The following KMO variants were observed in gnomAD, a reference collection of about 807,000 sequenced individuals.
KMO encodes the protein kynurenine 3-monooxygenase, also known as kynurenine 3-hydroxylase.
Under a neutral mutation model 57.8 loss-of-function variants are expected in KMO, and 24 were observed. The ratio of observed to expected loss-of-function variants is 0.42; its 90% confidence interval spans 0.30 to 0.58. The LOEUF (loss-of-function observed/expected upper bound fraction) is 0.58. Ranked by LOEUF, KMO falls within the 20% of genes least tolerant of loss-of-function variation. KMO has a pLI of 0.22. For synonymous variants in KMO, 210 were observed against 193.6 expected (o/e 1.08, Z -0.70); for missense variants, 483 against 588.2 (o/e 0.82, Z 1.85).
intron 10 of KMO, among the ~76,000 whole-genome samples, chr1:241,569,007 C>T (rs1182934506): frequency 6.6e-6 from 1 of 152,038 alleles, no homozygotes; most frequent in Non-Finnish European, 1.5e-5. Context: ...TCCATTTTTA[C>T]ATCTAATTTT....
chr1:241,545,603 TCTTAA>T (rs1344545591), intron 1 of KMO, among the ~76,000 whole-genome samples: 1 of 152,180 alleles, frequency 6.6e-6, no homozygotes, highest in Non-Finnish European at 1.5e-5. Flanking sequence ...AATGATATCA[TCTTAA>T]CTTGATTACC....
chr1:241,589,534 T>C (rs1663161252), intron 12 of KMO, among the ~76,000 whole-genome samples: 1 of 152,208 alleles, frequency 6.6e-6, no homozygotes, highest in South Asian at 2.1e-4. Flanking sequence ...CAAGATATTG[T>C]AGGCTTTATT....
At position 241,560,712 on chromosome 1, in the gene KMO, T is replaced by C; in HGVS notation, c.409T>C (p.Leu137=). The C allele has an allele frequency of 6.2e-7, 1 of 1,613,802 alleles. No homozygotes were observed. Among genetic ancestry groups the C allele is most frequent in the Admixed American group, 1.7e-5 (1 of 60,004 alleles). Residue 137 remains leucine (L), a synonymous_variant, in exon 6 of 15, where the codon TTG becomes CTG. Coordinates refer to ENST00000366559, the MANE Select transcript of KMO (RefSeq NM_003679.5). ...NVKMHFNHRL[L]KCNPEEGMIT... ...GAAAATGCACTTTAACCACAGGCTG[T>C]TGAAATGTAATCCAGAGGAAGGAAT...
chr1:241,586,536 G>T, intron 10 of KMO, 143 bp from the exon 11 acceptor site: 1 of 678,936 alleles, frequency 1.5e-6, no homozygotes, highest in Non-Finnish European at 2.6e-6. Flanking sequence ...AATACCATGT[G>T]ACAACTCAAC....
chr1:241,548,819 T>C lies in KMO; in HGVS notation c.55-10T>C. The stretch of plus-strand genomic sequence containing the variant: ...ATCAGATAAATATTTAATTTTTTTT[T>C]AATTTCTAGGTTGGCTCATTACAAG... On this transcript the variant is annotated splice_polypyrimidine_tract_variant and intron_variant, in intron 1 of 14. Transcript: ENST00000366559. 6.5e-7 allele frequency: 1 copy of C among 1,537,252 alleles called. No individual in the cohort carries two copies. The highest frequency in any genetic ancestry group is 1.1e-5 in the South Asian group (1 of 88,628).
chr1:241,554,365 A>G (rs1359807452), intron 4 of KMO, among the ~76,000 whole-genome samples: 1 of 151,132 alleles, frequency 6.6e-6, no homozygotes, highest in African/African-American at 2.4e-5. Flanking sequence ...GCTCACTGCA[A>G]CTTAGGCCTC....
chr1:241,568,710 C>G, intron 10 of KMO, 63 bp downstream of exon 10: 2 of 1,497,714 alleles, frequency 1.3e-6, no homozygotes, highest in South Asian at 1.2e-5. Flanking sequence ...GCTAACAAGT[C>G]TTACGTAAAA....
chr1:241,533,485 T>C (rs1183704232), intron 1 of KMO, among the ~76,000 whole-genome samples: 3 of 152,200 alleles, frequency 2.0e-5, no homozygotes, highest in Non-Finnish European at 4.4e-5. Context: ...ACAGTTCTTT[T>C]AATATTTCTG....
chr1:241,549,201 GGAA>G (rs1558414715), intron 2 of KMO, among the ~76,000 whole-genome samples: 1 of 93,286 alleles, frequency 1.1e-5, no homozygotes, highest in African/African-American at 4.5e-5. Flanking sequence ...AGAAAGAAAA[GGAA>G]GAAAGAAAGA....
At chr1:241,532,947 G>A (rs77096071) in intron 1 of KMO, among the ~76,000 whole-genome samples, 400 of 152,312 alleles carry the variant, frequency 2.6e-3, no homozygotes, top group Non-Finnish European at 4.2e-3. Context: ...TGAAGCTAAC[G>A]TCAAAGTATC....
chr1:241,582,333 A>T (rs1346636823), intron 10 of KMO, among the ~76,000 whole-genome samples: 1 of 152,100 alleles, frequency 6.6e-6, no homozygotes, highest in African/African-American at 2.4e-5. Flanking sequence ...AGTTTTCATT[A>T]TTATTTCTTT....
chr1:241,573,587 G>A (rs901515664), intron 10 of KMO, among the ~76,000 whole-genome samples: 2 of 152,002 alleles, frequency 1.3e-5, no homozygotes, highest in South Asian at 2.1e-4. Flanking sequence ...TTGGTTGTAC[G>A]TACTTGGCTT....
At chr1:241,587,109 C>T (rs1042957367) in intron 11 of KMO, among the ~76,000 whole-genome samples, 3 of 152,050 alleles carry the variant, frequency 2.0e-5, no homozygotes, top group African/African-American at 7.2e-5. Flanking sequence ...ACGGGTTTCA[C>T]GGAAGACAGT....
At position 241,586,733 on chromosome 1, in the gene KMO, C is replaced by T; in HGVS notation, c.1012C>T (p.Leu338Phe). Residue 338 changes from leucine to phenylalanine, a missense_variant, in exon 11 of 15, where the codon CTT becomes TTT. Around this residue, in one of 3 missense-constraint regions of KMO, gnomAD observed 410 missense variants for 492.3 expected, o/e 0.83. Transcript: ENST00000366559. ...GTTAATGGATAAATTCAGTAACGACCTTAGTAAGTAAGGTCAATTTCTCAA... is the reference window on the plus strand; with the variant it reads ...GTTAATGGATAAATTCAGTAACGACTTTAGTAAGTAAGGTCAATTTCTCAA... ...DELMDKFSND[L>F]SLCLPVFSRL... The T allele has an allele frequency of 6.2e-7, 1 of 1,602,590 alleles. No individual in the cohort carries two copies. The highest frequency in any genetic ancestry group is 8.5e-7 in the Non-Finnish European group (1 of 1,174,886).
At chr1:241,549,059 T>G (rs913904891) in intron 2 of KMO, among the ~76,000 whole-genome samples, 161 bp downstream of exon 2, 6 of 151,136 alleles carry the variant, frequency 4.0e-5, no homozygotes, top group African/African-American at 1.5e-4. Flanking sequence ...ATTAGCCTGG[T>G]GTGGTGGTGT....
chr1:241,535,201 G>A (rs1174714176), intron 1 of KMO, among the ~76,000 whole-genome samples: 1 of 151,824 alleles, frequency 6.6e-6, no homozygotes, highest in South Asian at 2.1e-4. Context: ...ATTCAAGAAG[G>A]TTAATGTCTT....
At position 241,589,312 on chromosome 1, in the gene KMO, GA is replaced by G. The variant is rs377736196; in HGVS notation, c.1098+491del. Among the ~76,000 whole-genome samples the G allele has an allele frequency of 9.6e-3, 1,440 of 150,212 alleles. 17 individuals are homozygous for G. The highest frequency in any genetic ancestry group is 0.033 in the African/African-American group (1,346 of 41,004). On this transcript the variant is annotated intron_variant, in intron 12 of 14. Coordinates refer to ENST00000366559, the MANE Select transcript of KMO (RefSeq NM_003679.5). Reference sequence around the variant, plus strand: ...TCATGTTCAGGAAGATTAGTACTTTGAAAAAAAAACATATTAATTCCATTTT... The same window carrying G: ...TCATGTTCAGGAAGATTAGTACTTTGAAAAAAAACATATTAATTCCATTTT...
At chr1:241,561,336 A>C (rs547997049) in intron 6 of KMO, among the ~76,000 whole-genome samples, 5 of 152,158 alleles carry the variant, frequency 3.3e-5, no homozygotes, top group African/African-American at 9.7e-5. Flanking sequence ...TTGATCACCT[A>C]CTTCTCCCAA....
chr1:241,575,951 G>A (rs1662497741), intron 10 of KMO, among the ~76,000 whole-genome samples: 1 of 150,690 alleles, frequency 6.6e-6, no homozygotes, highest in Non-Finnish European at 1.5e-5. Context: ...AGTGTTAGGT[G>A]CCTATAAGTT....
Sources: allele counts gnomAD v4.1 joint callset (sites outside exome capture counted in the v4.1 genomes callset), GRCh38; gene constraint gnomAD v4.1.1; regional missense constraint gnomAD v4.1.1; transcripts MANE v1.5; gene names NCBI Gene and HGNC (gene_info 2026-07-23, HGNC 2026-07-21).